DLG2: variants seen among roughly 807,000 people sequenced by gnomAD.
DLG2 encodes the protein discs large MAGUK scaffold protein 2.
Under a neutral mutation model 132.5 loss-of-function variants are expected in DLG2, and 45 were observed. The ratio of observed to expected loss-of-function variants is 0.34; its 90% CI spans 0.27 to 0.44. The LOEUF (loss-of-function observed/expected upper bound fraction) is 0.44. Among genes scored for constraint, DLG2 ranks in the 20% least tolerant of loss-of-function variants. The pLI is 1.00. For missense variants in DLG2, 1,045 were observed against 1,196.9 expected, an observed-to-expected ratio of 0.87 and a Z score of 1.87; for synonymous variants, 424 against 419.6, an observed-to-expected ratio of 1.01 and a Z score of -0.13.
chr11:85,071,191 A>G, intron 6 of DLG2, among the ~76,000 whole-genome samples: 1 of 151,854 alleles, frequency 6.6e-6, no homozygotes. Flanking sequence ...GGAGTTTGCT[A>G]TCTTCATTTT....
At chr11:85,337,246 C>A (rs2082195670) in intron 3 of DLG2, among the ~76,000 whole-genome samples, 1 of 151,850 alleles carries the variant, frequency 6.6e-6, no homozygotes, top group South Asian at 2.1e-4. Flanking sequence ...TATTTTAATT[C>A]TTTTTCTTTT....
At chr11:85,458,606 C>A (rs987617230) in intron 3 of DLG2, among the ~76,000 whole-genome samples, 17 of 152,116 alleles carry the variant, frequency 1.1e-4, no homozygotes, top group Admixed American at 5.2e-4. Flanking sequence ...CACTTCTTTT[C>A]TGGGTGTTTT....
chr11:84,550,693 A>G (rs1390790045), intron 6 of DLG2, among the ~76,000 whole-genome samples: 1 of 152,188 alleles, frequency 6.6e-6, no homozygotes, highest in African/African-American at 2.4e-5. Context: ...TGGCATATAT[A>G]TCCTCTGTGA....
chr11:83,594,975 A>G (rs666675), intron 19 of DLG2, among the ~76,000 whole-genome samples: 109,749 of 152,178 alleles, frequency 0.72, 40,289 homozygotes, highest in African/African-American at 0.86. Context: ...GCTTTATGTC[A>G]TGGTGGTAAT....
At chr11:85,248,768 A>T (rs1056601892) in intron 4 of DLG2, among the ~76,000 whole-genome samples, 1 of 152,104 alleles carries the variant, frequency 6.6e-6, no homozygotes, top group Non-Finnish European at 1.5e-5. Flanking sequence ...TAGAATAATT[A>T]CCAAATTCAA....
In DLG2 at chr11:83,478,729, C is replaced by T. The variant is rs527298425; in HGVS notation, c.2293+5400G>A. Among the ~76,000 whole-genome samples, 20 of 152,010 alleles carry T rather than the reference C, an allele frequency of 1.3e-4. No homozygotes were observed. In the South Asian group the frequency reaches 2.7e-3, roughly 21 times the overall value. On this transcript the variant is annotated intron_variant, in intron 22 of 27. Coordinates refer to ENST00000376104, the MANE Select transcript of DLG2 (RefSeq NM_001142699.3). ...AGATAAAGCATGATGCTTTCTTTTT[C>T]GATACCTGTGTCTACTGGATGGAAG...
At chr11:84,671,186 C>T (rs2099705534) in intron 6 of DLG2, among the ~76,000 whole-genome samples, 1 of 151,824 alleles carries the variant, frequency 6.6e-6, no homozygotes, top group Non-Finnish European at 1.5e-5. Flanking sequence ...CCTGCCTTGA[C>T]CTCCCTTGCT....
At chr11:85,366,771 C>A (rs1205447254) in intron 3 of DLG2, among the ~76,000 whole-genome samples, 4 of 152,058 alleles carry the variant, frequency 2.6e-5, no homozygotes, top group African/African-American at 9.7e-5. Flanking sequence ...TTCTTCCCAC[C>A]AACAGGGAAC....
intron 18 of DLG2, among the ~76,000 whole-genome samples, chr11:83,695,282 T>C (rs956592416): frequency 6.6e-6 from 1 of 152,176 alleles, no homozygotes; most frequent in African/African-American, 2.4e-5. Context: ...GCCCAGCCCC[T>C]GCCCTTAAGA....
chr11:84,069,623 C>A (rs1004434308), intron 10 of DLG2, among the ~76,000 whole-genome samples: 1 of 152,182 alleles, frequency 6.6e-6, no homozygotes, highest in Non-Finnish European at 1.5e-5. Flanking sequence ...CCATCTCCTA[C>A]AGTGAATGTA....
At chr11:83,821,740 G>A (rs972338144) in intron 17 of DLG2, among the ~76,000 whole-genome samples, 2 of 151,838 alleles carry the variant, frequency 1.3e-5, no homozygotes, top group East Asian at 3.8e-4. Context: ...ACAAATAAGA[G>A]TCACAGCCAT....
chr11:85,579,814 A>G (rs923705527), intron 3 of DLG2, among the ~76,000 whole-genome samples: 5 of 152,056 alleles, frequency 3.3e-5, no homozygotes, highest in African/African-American at 1.2e-4. Flanking sequence ...AGCCTCCCAA[A>G]GTGCTGGGAT....
intron 18 of DLG2, among the ~76,000 whole-genome samples, chr11:83,663,583 A>C (rs967606156): frequency 6.6e-6 from 1 of 152,230 alleles, no homozygotes; most frequent in Non-Finnish European, 1.5e-5. Flanking sequence ...AAGCTTGCCA[A>C]GTATTAACTG....
chr11:84,996,763 TG>T (rs1286616915), intron 6 of DLG2, among the ~76,000 whole-genome samples: 2 of 152,192 alleles, frequency 1.3e-5, no homozygotes, highest in Non-Finnish European at 2.9e-5. Flanking sequence ...AACATGGACT[TG>T]GTTGTACCTT....
At chr11:84,097,176 C>T (rs753181121) in intron 10 of DLG2, among the ~76,000 whole-genome samples, 1 of 152,118 alleles carries the variant, frequency 6.6e-6, no homozygotes, top group Non-Finnish European at 1.5e-5. Flanking sequence ...AATAAGACTC[C>T]GTCCTTGATT....
At chr11:84,351,690 G>A (rs989537238) in intron 7 of DLG2, among the ~76,000 whole-genome samples, 2 of 152,154 alleles carry the variant, frequency 1.3e-5, no homozygotes, top group African/African-American at 2.4e-5. Context: ...TGACAAATTT[G>A]TAGTCAGCAG....
chr11:85,151,014 A>G (rs557410740), intron 5 of DLG2, among the ~76,000 whole-genome samples: 14 of 152,166 alleles, frequency 9.2e-5, no homozygotes, highest in Non-Finnish European at 1.8e-4. Flanking sequence ...CAATTTCTCC[A>G]CATCTTTATC....
intron 8 of DLG2, among the ~76,000 whole-genome samples, chr11:84,195,064 A>G (rs2096490298): frequency 6.6e-6 from 1 of 152,126 alleles, no homozygotes; most frequent in African/African-American, 2.4e-5. Context: ...AGGGCTCCTC[A>G]AGCGTGGCCA....
chr11:83,478,394 C>T (rs1277234870), intron 22 of DLG2, among the ~76,000 whole-genome samples: 2 of 152,042 alleles, frequency 1.3e-5, no homozygotes, highest in Non-Finnish European at 2.9e-5. Flanking sequence ...GAATCCAGTT[C>T]CAACTCTTCT....
Sources: gnomAD v4.1 joint callset for allele counts (sites outside exome capture counted in the v4.1 genomes callset) on GRCh38, gnomAD v4.1.1 for gene constraint, MANE v1.5 for transcripts, NCBI Gene and HGNC (gene_info 2026-07-23, HGNC 2026-07-21) for gene names.